The following PPP4R3A variants were observed in gnomAD, a reference collection of about 807,000 sequenced individuals.
PPP4R3A encodes the protein serine/threonine-protein phosphatase 4 regulatory subunit 3A.
A neutral mutation model predicts 91.7 loss-of-function variants in PPP4R3A; 15 were observed. The ratio of observed to expected loss-of-function variants is 0.16; its 90% CI spans 0.11 to 0.25. PPP4R3A has a LOEUF of 0.25. Among genes scored for constraint, PPP4R3A ranks in the 10% least tolerant of loss-of-function variants. The pLI, the probability that PPP4R3A is intolerant of heterozygous loss-of-function variation, is 1.00. For missense variants in PPP4R3A, 623 were observed against 998.4 expected, an observed-to-expected ratio of 0.62 and a Z score of 5.07; for synonymous variants, 377 against 348.7, an observed-to-expected ratio of 1.08 and a Z score of -0.91.
Position 91,491,903 on chromosome 14 carries a change from G to T in PPP4R3A, c.143-1101C>A, listed in dbSNP as rs551234077. On this transcript the variant is annotated intron_variant, in intron 1 of 14. Transcript: ENST00000554943. ...TTTTTTTACTTTTTGTACAGACGGG[G>T]TCTCCCTTTATTGCCCAGGCTGGTC... 9.3e-5 allele frequency among the ~76,000 whole-genome samples: 14 copies of T among 151,072 alleles called. No homozygotes were observed. The South Asian group carries it at 2.7e-3, about 29-fold the overall frequency.
At chr14:91,486,727 C>G (rs1889903058) in intron 2 of PPP4R3A, among the ~76,000 whole-genome samples, 1 of 151,584 alleles carries the variant, frequency 6.6e-6, no homozygotes, top group South Asian at 2.1e-4. Flanking sequence ...GCCTGGCTAA[C>G]ACGGTGAAAC....
At chr14:91,502,897 T>C (rs1891049134) in intron 1 of PPP4R3A, among the ~76,000 whole-genome samples, 1 of 152,258 alleles carries the variant, frequency 6.6e-6, no homozygotes, top group Non-Finnish European at 1.5e-5. Context: ...CCTTGGCAAG[T>C]ACTTCGTAAT....
chr14:91,501,973 C>T (rs973112619), intron 1 of PPP4R3A, among the ~76,000 whole-genome samples: 9 of 149,548 alleles, frequency 6.0e-5, no homozygotes, highest in Non-Finnish European at 1.2e-4. Flanking sequence ...CTGCCCATCT[C>T]GGCCTCCCAA....
At position 91,509,792 on chromosome 14, in the gene PPP4R3A, G is replaced by A; in HGVS notation, c.-145C>T. On this transcript the variant is annotated 5_prime_UTR_variant, in exon 1 of 15. Transcript: ENST00000554943. ...CCGCCGCTGGGCGCCGCGGGGCCGC[G>A]CCGCCGCCTGCATGGCCCGCTCCAG... 8.0e-7 allele frequency: 1 copy of A among 1,244,546 alleles called. No homozygotes were observed. Among genetic ancestry groups the A allele is most frequent in the Non-Finnish European group, 1.0e-6 (1 of 998,158 alleles). 77.1% of individuals were successfully genotyped at this position (1,244,546 alleles called of 1,614,324 possible).
chr14:91,461,247 G>A, intron 14 of PPP4R3A, 134 bp downstream of exon 14: 1 of 769,534 alleles, frequency 1.3e-6, no homozygotes, highest in Non-Finnish European at 2.1e-6. Flanking sequence ...AAGCGGTGGG[G>A]GGGACTCATC....
intron 1 of PPP4R3A, among the ~76,000 whole-genome samples, chr14:91,501,974 G>A (rs1029632582): frequency 4.7e-5 from 7 of 148,770 alleles, no homozygotes; most frequent in African/African-American, 9.9e-5. Flanking sequence ...TGCCCATCTC[G>A]GCCTCCCAAA....
chr14:91,461,241 G>T, intron 14 of PPP4R3A, 140 bp downstream of exon 14: 1 of 719,948 alleles, frequency 1.4e-6, no homozygotes, highest in Non-Finnish European at 2.3e-6. Context: ...AAGTTCAAGC[G>T]GTGGGGGGGA....
intron 1 of PPP4R3A, among the ~76,000 whole-genome samples, chr14:91,507,797 T>TAA (rs1891506572): frequency 6.6e-6 from 1 of 151,860 alleles, no homozygotes; most frequent in Non-Finnish European, 1.5e-5. Flanking sequence ...GTATTATTTT[T>TAA]AATATGGATT....
chr14:91,482,463 T>C (rs1349737799), intron 3 of PPP4R3A, among the ~76,000 whole-genome samples: 1 of 152,104 alleles, frequency 6.6e-6, no homozygotes, highest in African/African-American at 2.4e-5. Flanking sequence ...CTAAACTAAG[T>C]GAGACTGTTA....
chr14:91,491,049 G>C (rs920649216), intron 1 of PPP4R3A, among the ~76,000 whole-genome samples: 3 of 151,394 alleles, frequency 2.0e-5, no homozygotes, highest in Admixed American at 1.3e-4. Flanking sequence ...GGGATTACAG[G>C]TGTGTGCCAC....
At chr14:91,461,864 A>T (rs1384963712) in intron 13 of PPP4R3A, among the ~76,000 whole-genome samples, 185 bp downstream of exon 13, 1 of 152,190 alleles carries the variant, frequency 6.6e-6, no homozygotes, top group Non-Finnish European at 1.5e-5. Flanking sequence ...TATTCAACTC[A>T]AATTAAGAAA....
Position 91,477,605 on chromosome 14 carries a change from G to C in PPP4R3A, c.916-619C>G, listed in dbSNP as rs542650233. Among the ~76,000 whole-genome samples the C allele has an allele frequency of 6.6e-5, 10 of 152,158 alleles. No individual in the cohort carries two copies. In the South Asian group the frequency reaches 2.1e-3, roughly 32 times the overall value. Reference sequence around the variant, plus strand: ...GGTGGCAGAGCCTTCATGATTGTCCGGTCAATGTTTCTCATCACTATTTTT... The same window carrying C: ...GGTGGCAGAGCCTTCATGATTGTCCCGTCAATGTTTCTCATCACTATTTTT... On this transcript the variant is annotated intron_variant, in intron 4 of 14. Transcript: ENST00000554943.
At chr14:91,478,514 A>G (rs369011229) in intron 4 of PPP4R3A, among the ~76,000 whole-genome samples, 1 of 152,254 alleles carries the variant, frequency 6.6e-6, no homozygotes, top group East Asian at 1.9e-4. Flanking sequence ...AGTGTCCAGC[A>G]TCAAGAGAAA....
At position 91,465,417 on chromosome 14, in the gene PPP4R3A, C is replaced by A; in HGVS notation, c.1663G>T (p.Ala555Ser). 1 of 1,584,656 alleles carries A rather than the reference C, an allele frequency of 6.3e-7. No individual in the cohort carries two copies. The highest frequency in any genetic ancestry group is 8.6e-7 in the Non-Finnish European group (1 of 1,169,212). Residue 555 changes from alanine to serine, a missense_variant and splice_region_variant, in exon 11 of 15, where the codon GCC (alanine) becomes TCC (serine). Physicochemically the swap from Ala to Ser is moderately conservative, Grantham distance 99. Around this residue, in one of 5 missense-constraint regions of PPP4R3A, gnomAD observed 87 missense variants for 233.9 expected, o/e 0.37. Coordinates refer to ENST00000554943, the MANE Select transcript of PPP4R3A (RefSeq NM_001366432.2). The part of the protein sequence containing the change: ...ASKHAFLALC[A>S]LRFKRKIIGL... ...ATAATCTTTCTTTTAAAACGAAGGG[C>A]ACCTGAAACACAGAGGCATGGTTGT...
rs781765921 is a variant in PPP4R3A, at chr14:91,482,044, T to C, written c.447A>G (p.Ser149=). 4 of 1,613,934 alleles carry C rather than the reference T, an allele frequency of 2.5e-6. No homozygotes were observed. In the African/African-American group the frequency reaches 4.0e-5, roughly 16 times the overall value. ...CACGACGAAGAGGTGAAGGTAAAGA[T>C]GATGCCACAAGTTCTGCAATTTCTT... is the stretch of plus-strand genomic sequence containing the variant. ...RLEEIAELVA[S]SLPSPLRREK... The change falls in exon 4 of 15, where the codon TCA becomes TCG. Residue 149 remains serine, a synonymous_variant. Coordinates refer to ENST00000554943, the MANE Select transcript of PPP4R3A (RefSeq NM_001366432.2).
intron 6 of PPP4R3A, 77 bp from the exon 7 acceptor site, chr14:91,476,043 A>C: frequency 7.2e-7 from 1 of 1,381,346 alleles, no homozygotes; most frequent in Non-Finnish European, 9.6e-7. Flanking sequence ...TCCAAACCTA[A>C]CAAAACATAT....
chr14:91,470,661 AAG>A (rs1299519266), intron 10 of PPP4R3A, among the ~76,000 whole-genome samples, 174 bp downstream of exon 10: 1 of 152,170 alleles, frequency 6.6e-6, no homozygotes, highest in Non-Finnish European at 1.5e-5. Flanking sequence ...ATTAAGTAAG[AAG>A]AGAGTCAAGA....
chr14:91,459,251 G>C (rs1335180330), intron 14 of PPP4R3A, among the ~76,000 whole-genome samples: 1 of 151,856 alleles, frequency 6.6e-6, no homozygotes, highest in Non-Finnish European at 1.5e-5. Flanking sequence ...GATTACAGGC[G>C]CCCGCCACCA....
At chr14:91,491,055 G>A (rs1890209890) in intron 1 of PPP4R3A, among the ~76,000 whole-genome samples, 2 of 151,652 alleles carry the variant, frequency 1.3e-5, no homozygotes, top group South Asian at 2.1e-4. Context: ...ACAGGTGTGT[G>A]CCACCACACC....
Sources: allele counts gnomAD v4.1 joint callset (sites outside exome capture counted in the v4.1 genomes callset), GRCh38; gene constraint gnomAD v4.1.1; regional missense constraint gnomAD v4.1.1; transcripts MANE v1.5; gene names NCBI Gene and HGNC (gene_info 2026-07-23, HGNC 2026-07-21).